The following ZSCAN25 variants were observed in gnomAD, a reference collection of about 807,000 sequenced individuals.
ZSCAN25 encodes zinc finger and SCAN domain containing 25, also known as zinc finger and SCAN domain-containing protein 25.
Under a neutral mutation model 38.7 loss-of-function variants are expected in ZSCAN25, and 27 were observed. The observed-to-expected ratio is 0.70, with a 90% CI of 0.51 to 0.96. The LOEUF is 0.96. ZSCAN25 is among the 40% of genes least tolerant of loss of function. The pLI is 0.00. For missense variants in ZSCAN25, 637 were observed against 705.9 expected (o/e 0.90, Z 1.11); for synonymous variants, 273 against 277.7 (o/e 0.98, Z 0.17).
chr7:99,648,491 C>G, the ZSCAN25 span: 3 of 671,796 alleles, frequency 4.5e-6, no homozygotes, highest in Non-Finnish European at 7.2e-6. Flanking sequence ...GACAAAAATG[C>G]TTTGCAAGCA....
At chr7:99,648,598 G>A in the ZSCAN25 span, among the ~76,000 whole-genome samples, 7 of 151,488 alleles carry the variant, frequency 4.6e-5, no homozygotes, top group African/African-American at 1.7e-4. Flanking sequence ...ACCATCCATC[G>A]TTTAACAAAA....
At chr7:99,643,191 A>G in the ZSCAN25 span, among the ~76,000 whole-genome samples, 3 of 152,136 alleles carry the variant, frequency 2.0e-5, no homozygotes, top group African/African-American at 4.8e-5. Context: ...TGAACCTTTT[A>G]TGGTTGCATT....
downstream of ZSCAN25, among the ~76,000 whole-genome samples, chr7:99,637,215 C>T (rs10272855): frequency 0.032 from 4,835 of 152,050 alleles, 241 homozygotes; most frequent in African/African-American, 0.11. Flanking sequence ...TGGTTACATG[C>T]TTTATTAATG....
chr7:99,684,157 C>T, the ZSCAN25 span, among the ~76,000 whole-genome samples: 1 of 147,754 alleles, frequency 6.8e-6, no homozygotes, highest in Non-Finnish European at 1.5e-5. Flanking sequence ...GTATGTGCTT[C>T]AAAAAGGCAT....
chr7:99,686,627 A>G, the ZSCAN25 span, among the ~76,000 whole-genome samples: 5 of 152,216 alleles, frequency 3.3e-5, no homozygotes, highest in East Asian at 1.9e-4. Flanking sequence ...GCAGACTTAA[A>G]TGTCCCTGTC....
the ZSCAN25 span, among the ~76,000 whole-genome samples, chr7:99,687,610 C>A: frequency 6.6e-6 from 1 of 152,104 alleles, no homozygotes; most frequent in Non-Finnish European, 1.5e-5. Flanking sequence ...GGATATTATC[C>A]AGGAGAACTT....
the ZSCAN25 span, among the ~76,000 whole-genome samples, chr7:99,661,706 C>G: frequency 1.3e-5 from 2 of 152,196 alleles, no homozygotes; most frequent in Non-Finnish European, 2.9e-5. Context: ...CTACAGAGTT[C>G]TGATTTATCA....
the ZSCAN25 span, among the ~76,000 whole-genome samples, chr7:99,702,620 A>G: frequency 1.3e-5 from 2 of 152,162 alleles, no homozygotes; most frequent in African/African-American, 4.8e-5. Flanking sequence ...CTGTTTTTAT[A>G]CAAACACCAT....
chr7:99,722,965 T>C, the ZSCAN25 span, among the ~76,000 whole-genome samples: 1 of 152,024 alleles, frequency 6.6e-6, no homozygotes, highest in East Asian at 1.9e-4. Flanking sequence ...TCTGAGAAAA[T>C]GTCACCTCTA....
At chr7:99,713,650 A>G in the ZSCAN25 span, 3 of 1,401,292 alleles carry the variant, frequency 2.1e-6, no homozygotes, top group South Asian at 3.6e-5. Context: ...GAGACCAGAA[A>G]TCTGATGGGT....
At chr7:99,674,500 G>A in the ZSCAN25 span, 2 of 1,583,396 alleles carry the variant, frequency 1.3e-6, no homozygotes, top group Non-Finnish European at 1.7e-6. Context: ...CACAGTAGCA[G>A]GTCTATCCAA....
the ZSCAN25 span, among the ~76,000 whole-genome samples, chr7:99,697,235 A>G: frequency 6.6e-6 from 1 of 152,106 alleles, no homozygotes; most frequent in Non-Finnish European, 1.5e-5. Context: ...GCTGCTCCCT[A>G]TGGCAGGCCT....
At chr7:99,723,143 G>A in the ZSCAN25 span, among the ~76,000 whole-genome samples, 1 of 152,144 alleles carries the variant, frequency 6.6e-6, no homozygotes, top group Non-Finnish European at 1.5e-5. Flanking sequence ...ATGGGAAAGT[G>A]GTGGGTTTCA....
the ZSCAN25 span, chr7:99,713,367 G>A: frequency 6.5e-7 from 1 of 1,547,996 alleles, no homozygotes; most frequent in South Asian, 1.1e-5. Context: ...CTGCTATGTG[G>A]CAGAAATTCT....
At chr7:99,623,253 A>G (rs755542745) in intron 6 of ZSCAN25, among the ~76,000 whole-genome samples, 2 of 152,106 alleles carry the variant, frequency 1.3e-5, no homozygotes, top group Non-Finnish European at 2.9e-5. Flanking sequence ...CCTGTCCCCT[A>G]ACCTCAGCAG....
the ZSCAN25 span, among the ~76,000 whole-genome samples, chr7:99,725,230 C>T: frequency 6.6e-6 from 1 of 152,138 alleles, no homozygotes; most frequent in Non-Finnish European, 1.5e-5. Context: ...CAGCCCTGGA[C>T]CCAGAGGGGC....
the ZSCAN25 span, chr7:99,663,082 A>G: frequency 1.5e-6 from 2 of 1,318,158 alleles, no homozygotes; most frequent in Non-Finnish European, 1.9e-6. Flanking sequence ...TCCTGAAACA[A>G]ATCTAGCTAT....
In ZSCAN25 at chr7:99,617,017, G is replaced by T. The variant is rs961414997; in HGVS notation, c.-259+1G>T. The T allele has an allele frequency of 6.6e-6, 1 of 152,294 alleles. No homozygotes were observed. The highest frequency in any genetic ancestry group is 2.4e-5 in the African/African-American group (1 of 41,464). The allele number at this position is 152,294 out of a possible 1,614,324, so 9.4% of individuals were successfully genotyped here. A position where few individuals can be genotyped will look rare whatever the true frequency, so the allele number is the denominator to read the frequency against. On this transcript the variant is annotated splice_donor_variant, in intron 1 of 7. Transcript: ENST00000394152. LOFTEE classifies it low-confidence loss of function (5UTR_SPLICE). ...GAGAGGCCCTTCAGGGCCGCGGCGG[G>T]TGAGAGCCTCTTCAGGGCCGCAGCG...
chr7:99,722,314 T>A, the ZSCAN25 span: 1 of 1,613,614 alleles, frequency 6.2e-7, no homozygotes, highest in East Asian at 2.2e-5. Context: ...TTTTCTATAC[T>A]TTTTATAACA....
Sources: allele counts gnomAD v4.1 joint callset (sites outside exome capture counted in the v4.1 genomes callset), GRCh38; gene constraint gnomAD v4.1.1; transcripts MANE v1.5; gene names NCBI Gene and HGNC (gene_info 2026-07-23, HGNC 2026-07-21).